Variants in CNTN4 observed in about 807,000 individuals in gnomAD.
CNTN4 encodes the protein contactin-4.
Under a neutral mutation model 122.5 loss-of-function variants are expected in CNTN4, and 77 were observed. The observed-to-expected ratio is 0.63, with a 90% CI of 0.52 to 0.76. CNTN4 has a LOEUF of 0.76. Among genes scored for constraint, CNTN4 ranks in the 30% least tolerant of loss-of-function variants. The pLI is 0.00. For missense variants in CNTN4, 1,256 were observed against 1,259.1 expected, an observed-to-expected ratio of 1.00 and a Z score of 0.04; for synonymous variants, 512 against 447.0, an observed-to-expected ratio of 1.15 and a Z score of -1.83.
chr3:2,463,575 C>A (rs1394542144), intron 3 of CNTN4, among the ~76,000 whole-genome samples: 1 of 152,102 alleles, frequency 6.6e-6, no homozygotes, highest in East Asian at 1.9e-4. Context: ...GCCTGGGCAA[C>A]ATGGTGAAAC....
chr3:2,260,426 T>A (rs1166220203), intron 2 of CNTN4, among the ~76,000 whole-genome samples: 1 of 151,822 alleles, frequency 6.6e-6, no homozygotes, highest in Non-Finnish European at 1.5e-5. Context: ...AATGTGAAAA[T>A]GTACATTTTA....
At chr3:2,295,516 G>T (rs952877004) in intron 2 of CNTN4, among the ~76,000 whole-genome samples, 58 of 151,548 alleles carry the variant, frequency 3.8e-4, no homozygotes, top group Non-Finnish European at 1.8e-4. Flanking sequence ...CCCACTTTTT[G>T]ATGGGGTTGT....
intron 12 of CNTN4, among the ~76,000 whole-genome samples, chr3:2,919,591 A>G (rs1045379353): frequency 1.3e-5 from 2 of 152,170 alleles, no homozygotes; most frequent in African/African-American, 4.8e-5. Context: ...ATCATAGTCT[A>G]ATGACTCTCT....
chr3:2,335,980 G>A (rs527754885), intron 2 of CNTN4, among the ~76,000 whole-genome samples: 5 of 152,276 alleles, frequency 3.3e-5, no homozygotes, highest in African/African-American at 1.2e-4. Flanking sequence ...TACACCTTCA[G>A]ACTGAAGAAT....
chr3:2,514,069 G>A (rs928704739), intron 3 of CNTN4, among the ~76,000 whole-genome samples: 2 of 152,126 alleles, frequency 1.3e-5, no homozygotes, highest in African/African-American at 4.8e-5. Flanking sequence ...GAAAGCCCTG[G>A]GGTTGAGCCA....
intron 2 of CNTN4, among the ~76,000 whole-genome samples, chr3:2,266,321 A>G (rs1213154149): frequency 1.3e-5 from 2 of 151,934 alleles, no homozygotes; most frequent in Non-Finnish European, 2.9e-5. Flanking sequence ...TCTTATAGTG[A>G]CTTCTTTAAC....
chr3:2,797,513 A>C (rs1048150608), intron 6 of CNTN4, among the ~76,000 whole-genome samples: 31 of 152,236 alleles, frequency 2.0e-4, no homozygotes, highest in African/African-American at 7.5e-4. Flanking sequence ...CAGGAGAATC[A>C]CTTAAACCTG....
At chr3:2,702,660 C>G (rs541224259) in intron 4 of CNTN4, among the ~76,000 whole-genome samples, 1 of 152,262 alleles carries the variant, frequency 6.6e-6, no homozygotes, top group South Asian at 2.1e-4. Context: ...TGGGTGAGCT[C>G]CCTCCAGAAA....
At chr3:2,347,410 CTTT>C (rs10664705) in intron 3 of CNTN4, among the ~76,000 whole-genome samples, 3 of 113,162 alleles carry the variant, frequency 2.7e-5, no homozygotes, top group African/African-American at 6.7e-5. Flanking sequence ...GAAATACAAT[CTTT>C]TTTTTTTTTT....
chr3:2,855,163 T>C (rs576423839), intron 7 of CNTN4, among the ~76,000 whole-genome samples: 1 of 152,330 alleles, frequency 6.6e-6, no homozygotes, highest in South Asian at 2.1e-4. Context: ...TCCTGATCCC[T>C]ACCACAGTCC....
intron 2 of CNTN4, among the ~76,000 whole-genome samples, chr3:2,139,870 A>C (rs1189834900): frequency 6.6e-6 from 1 of 152,228 alleles, no homozygotes; most frequent in East Asian, 1.9e-4. Context: ...ACCAATCCAC[A>C]AAACCCACCT....
intron 4 of CNTN4, among the ~76,000 whole-genome samples, chr3:2,654,593 G>A (rs2083499689): frequency 6.6e-6 from 1 of 152,098 alleles, no homozygotes; most frequent in Non-Finnish European, 1.5e-5. Context: ...TCAAAGCCTA[G>A]TCAGGTCAGT....
intron 2 of CNTN4, among the ~76,000 whole-genome samples, chr3:2,117,190 G>T (rs185877229): frequency 1.5e-3 from 234 of 152,298 alleles, no homozygotes; most frequent in African/African-American, 4.8e-3. Context: ...CTATAAATTG[G>T]TGTTCCCGCA....
intron 7 of CNTN4, among the ~76,000 whole-genome samples, chr3:2,846,508 T>C (rs914438707): frequency 1.3e-5 from 2 of 152,172 alleles, no homozygotes; most frequent in African/African-American, 4.8e-5. Flanking sequence ...GGTATGTCTT[T>C]ATTAGCAGCA....
At chr3:2,239,758 G>C (rs1361435708) in intron 2 of CNTN4, among the ~76,000 whole-genome samples, 1 of 152,150 alleles carries the variant, frequency 6.6e-6, no homozygotes, top group Non-Finnish European at 1.5e-5. Context: ...CATTTATAGG[G>C]ATAAGACAAT....
intron 2 of CNTN4, among the ~76,000 whole-genome samples, chr3:2,210,549 G>A (rs2038569957): frequency 6.6e-6 from 1 of 152,088 alleles, no homozygotes; most frequent in Non-Finnish European, 1.5e-5. Context: ...TTAAAAAATT[G>A]GGGATTATCT....
chr3:2,698,704 A>G (rs1197080120), intron 4 of CNTN4, among the ~76,000 whole-genome samples: 2 of 152,336 alleles, frequency 1.3e-5, no homozygotes, highest in African/African-American at 4.8e-5. Context: ...TTTAAGATAT[A>G]AAAAGCAAAA....
chr3:2,858,450 G>A (rs1425283397), intron 7 of CNTN4, among the ~76,000 whole-genome samples: 1 of 152,194 alleles, frequency 6.6e-6, no homozygotes, highest in East Asian at 1.9e-4. Context: ...TCAAGGCCAG[G>A]CACAGTGGCT....
intron 7 of CNTN4, among the ~76,000 whole-genome samples, chr3:2,840,656 A>G (rs544108187): frequency 0.017 from 2,532 of 145,358 alleles, 106 homozygotes; most frequent in African/African-American, 0.061. Context: ...CCAAGATCAC[A>G]CCACTGCACT....
Sources: gnomAD v4.1 joint callset for allele counts (sites outside exome capture counted in the v4.1 genomes callset) on GRCh38, gnomAD v4.1.1 for gene constraint, MANE v1.5 for transcripts, NCBI Gene and HGNC (gene_info 2026-07-23, HGNC 2026-07-21) for gene names.